The following ARPC4 variants were observed in gnomAD, a reference collection of about 807,000 sequenced individuals.
The protein encoded by ARPC4 is actin related protein 2/3 complex subunit 4.
A neutral mutation model predicts 22.8 loss-of-function variants in ARPC4; 3 were observed. The ratio of observed to expected loss-of-function variants is 0.13; its 90% confidence interval spans 0.06 to 0.34. The LOEUF (loss-of-function observed/expected upper bound fraction) is 0.34, where lower values mean the gene tolerates loss of function less well. Among genes scored for constraint, ARPC4 ranks in the 10% least tolerant of loss-of-function variants. ARPC4 has a pLI of 1.00. For missense variants in ARPC4, 98 were observed against 211.0 expected (o/e 0.46, Z 3.32); for synonymous variants, 80 against 72.5 (o/e 1.10, Z -0.52).
At chr3:9,800,640 G>A (rs999361158) in intron 3 of ARPC4, among the ~76,000 whole-genome samples, 3 of 151,984 alleles carry the variant, frequency 2.0e-5, no homozygotes, top group Non-Finnish European at 2.9e-5. Context: ...TGCCAGGATG[G>A]TCTCCATCTC....
chr3:9,799,730 A>G (rs746063746), intron 2 of ARPC4: 8 of 407,228 alleles, frequency 2.0e-5, no homozygotes, highest in Non-Finnish European at 3.4e-5. Context: ...GGCATGAGCC[A>G]CTGTGCCCAG....
chr3:9,801,526 A>G (rs2079010822), intron 3 of ARPC4, 135 bp from the exon 4 acceptor site: 2 of 787,606 alleles, frequency 2.5e-6, no homozygotes, highest in East Asian at 2.8e-5. Flanking sequence ...CCCCCACTTC[A>G]GTGATCCTTC....
At chr3:9,799,442 C>T (rs879436405) in intron 2 of ARPC4, among the ~76,000 whole-genome samples, 13 of 151,410 alleles carry the variant, frequency 8.6e-5, no homozygotes, top group Non-Finnish European at 1.9e-4. Context: ...CGGAAACTTT[C>T]AGGTTTTTTT....
intron 2 of ARPC4, among the ~76,000 whole-genome samples, chr3:9,799,547 A>G (rs1023121104): frequency 1.3e-5 from 2 of 151,962 alleles, no homozygotes; most frequent in Admixed American, 6.6e-5. Flanking sequence ...AGTTCGAGCA[A>G]TTCTCGTGCT....
At chr3:9,805,686 A>G (rs1327201576) in intron 5 of ARPC4, among the ~76,000 whole-genome samples, 2 of 152,270 alleles carry the variant, frequency 1.3e-5, no homozygotes, top group Non-Finnish European at 2.9e-5. Context: ...GGCATGGGCC[A>G]TTGGTTCACA....
Position 9,803,982 on chromosome 3 carries a change from C to T in ARPC4, c.470C>T (p.Ala157Val). ...ATGAAGCTGTCAGTCAATGCCCGTGCCCGCATTGTGGCTGAAGAGTTCCTT... is the reference window on the plus strand; with the variant it reads ...ATGAAGCTGTCAGTCAATGCCCGTGTCCGCATTGTGGCTGAAGAGTTCCTT... Reference protein sequence around the residue: ...SEMKLSVNARARIVAEEFLKN... With the variant: ...SEMKLSVNARVRIVAEEFLKN... Residue 157 changes from alanine (A) to valine (V), a missense_variant, in exon 5 of 6, where the codon GCC becomes GTC. Physicochemically the swap from Ala to Val is moderately conservative, Grantham distance 64 (BLOSUM62 0). Coordinates refer to ENST00000397261, the MANE Select transcript of ARPC4 (RefSeq NM_005718.5). The T allele has an allele frequency of 6.2e-7, 1 of 1,614,184 alleles. No homozygotes were observed. The highest frequency in any genetic ancestry group is 8.5e-7 in the Non-Finnish European group (1 of 1,180,028).
At chr3:9,804,722 G>A (rs891379313) in intron 5 of ARPC4, among the ~76,000 whole-genome samples, 3 of 152,128 alleles carry the variant, frequency 2.0e-5, no homozygotes, top group African/African-American at 7.2e-5. Context: ...ACTCCCACCA[G>A]TAAGTACATA....
At chr3:9,803,519 C>G in intron 4 of ARPC4, 1 of 493,618 alleles carries the variant, frequency 2.0e-6, no homozygotes, top group South Asian at 1.5e-5. Context: ...ACTAAATGTT[C>G]CCTGTTGTTT....
chr3:9,802,626 C>T (rs1269134095), intron 4 of ARPC4, among the ~76,000 whole-genome samples: 4 of 150,590 alleles, frequency 2.7e-5, no homozygotes, highest in African/African-American at 9.8e-5. Flanking sequence ...CTGCCTGCCT[C>T]GGCCTCCCAA....
intron 3 of ARPC4, among the ~76,000 whole-genome samples, chr3:9,800,584 C>T (rs1302107393): frequency 6.6e-6 from 1 of 152,086 alleles, no homozygotes; most frequent in Non-Finnish European, 1.5e-5. Context: ...GCCACCACGC[C>T]CAGTTAATTT....
At chr3:9,793,248 A>G in intron 1 of ARPC4, 124 bp downstream of exon 1, 1 of 1,416,780 alleles carries the variant, frequency 7.1e-7, no homozygotes, top group Non-Finnish European at 9.3e-7. Context: ...TTGTGGGGAC[A>G]CGATGAGGGT....
intron 2 of ARPC4, 37 bp from the exon 3 acceptor site, chr3:9,800,148 T>C: frequency 6.2e-7 from 1 of 1,608,388 alleles, no homozygotes; most frequent in Non-Finnish European, 8.5e-7. Context: ...ATTCTATCCC[T>C]CTGTAGTACA....
chr3:9,797,808 G>GGGGTGCA, intron 2 of ARPC4, 31 bp downstream of exon 2: 1 of 1,606,224 alleles, frequency 6.2e-7, no homozygotes, highest in Non-Finnish European at 8.5e-7. Flanking sequence ...GTGGGGATGA[G>GGGGTGCA]GGGTGCAGCA....
rs2079107449 is a variant in ARPC4, at chr3:9,806,392, G to A, written c.*177G>A. 2 of 723,628 alleles carry A rather than the reference G, an allele frequency of 2.8e-6. No individual in the cohort carries two copies. Among genetic ancestry groups the A allele is most frequent in the South Asian group, 3.2e-5 (2 of 62,164 alleles). The allele number at this position is 723,628 out of a possible 1,614,324, so 44.8% of individuals were successfully genotyped here. A position where few individuals can be genotyped will look rare whatever the true frequency, so the allele number is the denominator to read the frequency against. Reference sequence around the variant, plus strand: ...TGGGCAAGAAAGCAGCAGTGGACCTGCCCCAAGGCCACACGTGCCTGGTCA... The same window carrying A: ...TGGGCAAGAAAGCAGCAGTGGACCTACCCCAAGGCCACACGTGCCTGGTCA... On this transcript the variant is annotated 3_prime_UTR_variant, in exon 6 of 6. Transcript: ENST00000397261.
chr3:9,794,786 C>T (rs2078845919), intron 1 of ARPC4, among the ~76,000 whole-genome samples: 1 of 152,182 alleles, frequency 6.6e-6, no homozygotes, highest in African/African-American at 2.4e-5. Flanking sequence ...CAGTCCTCTC[C>T]TTCCCACCCC....
At chr3:9,796,827 G>C (rs2078902604) in intron 1 of ARPC4, among the ~76,000 whole-genome samples, 1 of 151,324 alleles carries the variant, frequency 6.6e-6, no homozygotes, top group Non-Finnish European at 1.5e-5. Flanking sequence ...TGTAGTCCCA[G>C]CTACTTGGGA....
intron 1 of ARPC4, among the ~76,000 whole-genome samples, chr3:9,796,761 G>A (rs2078899475): frequency 6.6e-6 from 1 of 151,992 alleles, no homozygotes; most frequent in African/African-American, 2.4e-5. Flanking sequence ...CTAACACCGT[G>A]AAACCCTGTC....
intron 2 of ARPC4, chr3:9,799,791 G>A (rs749649762): frequency 2.2e-6 from 1 of 449,226 alleles, no homozygotes; most frequent in South Asian, 1.6e-5. Context: ...TGTTCAACTT[G>A]TAGTTACTAA....
intron 1 of ARPC4, 130 bp from the exon 2 acceptor site, chr3:9,797,529 T>C: frequency 2.0e-6 from 2 of 989,696 alleles, no homozygotes; most frequent in Non-Finnish European, 3.0e-6. Context: ...TAGTCTGTTC[T>C]GTTCACAGTA....
Sources: allele counts gnomAD v4.1 joint callset (sites outside exome capture counted in the v4.1 genomes callset), GRCh38; gene constraint gnomAD v4.1.1; transcripts MANE v1.5; gene names NCBI Gene and HGNC (gene_info 2026-07-23, HGNC 2026-07-21).